Variants in IGSF21 observed in about 807,000 individuals in gnomAD.
IGSF21 encodes the protein immunoglobulin superfamily member 21.
IGSF21 carries 28 observed loss-of-function variants against 46.8 expected under a neutral mutation model. The ratio of observed to expected loss-of-function variants is 0.60; its 90% CI spans 0.44 to 0.82. The LOEUF (loss-of-function observed/expected upper bound fraction) is 0.82. Among genes scored for constraint, IGSF21 ranks in the 40% least tolerant of loss-of-function variants. The probability of loss-of-function intolerance (pLI) is 0.00; values close to 1 mark genes in which losing one functional copy is unlikely to be tolerated. For synonymous variants in IGSF21, 284 were observed against 273.6 expected, an observed-to-expected ratio of 1.04 and a Z score of -0.38; for missense variants, 624 against 665.5, an observed-to-expected ratio of 0.94 and a Z score of 0.69.
chr1:18,270,631 G>A (rs2085033422), intron 2 of IGSF21, among the ~76,000 whole-genome samples: 1 of 152,200 alleles, frequency 6.6e-6, no homozygotes, highest in Non-Finnish European at 1.5e-5. Flanking sequence ...CTAGAGACCA[G>A]ATTTCTGACC....
intron 1 of IGSF21, among the ~76,000 whole-genome samples, chr1:18,140,185 C>T (rs183977862): frequency 2.8e-4 from 43 of 152,238 alleles, no homozygotes; most frequent in African/African-American, 9.6e-4. Flanking sequence ...TAGACTCAAG[C>T]GATTCTCTCC....
chr1:18,332,966 A>T (rs1023422445), intron 3 of IGSF21, among the ~76,000 whole-genome samples: 6 of 152,116 alleles, frequency 3.9e-5, no homozygotes, highest in African/African-American at 1.4e-4. Context: ...CTAAAAGGAG[A>T]GAAGAAAAGA....
chr1:18,113,601 A>ACCCCC (rs36119627), intron 1 of IGSF21: 179 of 137,748 alleles, frequency 1.3e-3, no homozygotes, highest in Non-Finnish European at 1.6e-3. Flanking sequence ...CCAACCCCGC[A>ACCCCC]CCCCACCCCC....
At chr1:18,372,653 GAT>G (rs2086237773) in intron 6 of IGSF21, among the ~76,000 whole-genome samples, 1 of 150,692 alleles carries the variant, frequency 6.6e-6, no homozygotes, top group African/African-American at 2.4e-5. Flanking sequence ...TGGATGGATG[GAT>G]GTTTGGATGG....
intron 2 of IGSF21, among the ~76,000 whole-genome samples, chr1:18,255,069 C>G (rs1177498733): frequency 6.6e-6 from 1 of 152,210 alleles, no homozygotes; most frequent in Non-Finnish European, 1.5e-5. Flanking sequence ...ACACTGACCC[C>G]AGCGAAAGTG....
chr1:18,348,319 CCCTGGGG>C (rs2085915619), intron 4 of IGSF21, among the ~76,000 whole-genome samples: 1 of 152,318 alleles, frequency 6.6e-6, no homozygotes, highest in South Asian at 2.1e-4. Flanking sequence ...GTCTGAAGCC[CCCTGGGG>C]CCCTCACCAA....
chr1:18,317,487 C>T (rs774394529), intron 3 of IGSF21, among the ~76,000 whole-genome samples: 21 of 152,362 alleles, frequency 1.4e-4, no homozygotes, highest in Non-Finnish European at 2.5e-4. Context: ...GGGAACCACA[C>T]CTGAGAGCCA....
At chr1:18,254,430 T>G (rs2084871518) in intron 2 of IGSF21, among the ~76,000 whole-genome samples, 1 of 152,150 alleles carries the variant, frequency 6.6e-6, no homozygotes, top group Non-Finnish European at 1.5e-5. Context: ...GATCTAGGTA[T>G]CTTTAACCCT....
chr1:18,218,881 A>C (rs930006612), intron 1 of IGSF21, among the ~76,000 whole-genome samples: 3 of 152,238 alleles, frequency 2.0e-5, no homozygotes, highest in African/African-American at 7.2e-5. Context: ...GCAAAGACAT[A>C]GAAGATATAA....
chr1:18,316,284 C>T (rs1394703731), intron 3 of IGSF21, among the ~76,000 whole-genome samples: 2 of 152,230 alleles, frequency 1.3e-5, no homozygotes, highest in Non-Finnish European at 2.9e-5. Flanking sequence ...AATCTGACCA[C>T]TGCTGAGGCC....
Position 18,365,760 on chromosome 1 carries a change from G to A in IGSF21, c.1015+63G>A. On this transcript the variant is annotated intron_variant, in intron 6 of 9. Transcript: ENST00000251296. This position sits in a 1 kb window ranked among gnomAD's most constrained non-coding sequence, Gnocchi z 4.8. Reference sequence around the variant, plus strand: ...AGACCTGGGTGTGGGGAGAGCCTTGGAATAGGGTTCCTGGGCTGAGGACAG... The same window carrying A: ...AGACCTGGGTGTGGGGAGAGCCTTGAAATAGGGTTCCTGGGCTGAGGACAG... 1 of 1,393,782 alleles carries A rather than the reference G, an allele frequency of 7.2e-7. No homozygotes were observed. Among genetic ancestry groups the A allele is most frequent in the Non-Finnish European group, 9.9e-7 (1 of 1,011,666 alleles). The allele number at this position is 1,393,782 out of a possible 1,614,324, so 86.3% of individuals were successfully genotyped here.
chr1:18,237,749 C>A (rs2084686739), intron 2 of IGSF21, among the ~76,000 whole-genome samples: 1 of 152,128 alleles, frequency 6.6e-6, no homozygotes, highest in Non-Finnish European at 1.5e-5. Context: ...TTTTCCGCTT[C>A]TCCTATGTGT....
At chr1:18,348,518 G>A (rs1035617267) in intron 4 of IGSF21, among the ~76,000 whole-genome samples, 28 of 152,178 alleles carry the variant, frequency 1.8e-4, no homozygotes, top group African/African-American at 6.5e-4. Context: ...AGTGGCTCCA[G>A]CAGAAGGTAA....
At position 18,290,359 on chromosome 1, in the gene IGSF21, AG is replaced by A. The variant is rs755429975; in HGVS notation, c.184-1506del. 1.3e-5 allele frequency among the ~76,000 whole-genome samples: 2 copies of A among 152,154 alleles called. No homozygotes were observed. The highest frequency in any genetic ancestry group is 2.9e-5 in the Non-Finnish European group (2 of 68,026). ...TGTACATGTCGCTAAGTCCCGACAG[AG>A]ATAGGAGGGGTGTGGGCTTACGGAG... On this transcript the variant is annotated intron_variant, in intron 2 of 9. Coordinates refer to ENST00000251296, the MANE Select transcript of IGSF21 (RefSeq NM_032880.5). The surrounding 1 kb of genome is among the most constrained non-coding windows in gnomAD (Gnocchi z 4.2).
At chr1:18,151,874 G>A (rs932628310) in intron 1 of IGSF21, among the ~76,000 whole-genome samples, 1 of 152,130 alleles carries the variant, frequency 6.6e-6, no homozygotes, top group African/African-American at 2.4e-5. Context: ...TCTTCCAAAT[G>A]GGACCATTTT....
chr1:18,178,123 G>A (rs926782257), intron 1 of IGSF21, among the ~76,000 whole-genome samples: 5 of 152,162 alleles, frequency 3.3e-5, no homozygotes, highest in African/African-American at 7.2e-5. Flanking sequence ...GAGGGAGCAG[G>A]CTGGAAAAGA....
intron 4 of IGSF21, among the ~76,000 whole-genome samples, chr1:18,351,386 A>T (rs1287805251): frequency 6.6e-6 from 1 of 152,150 alleles, no homozygotes; most frequent in Non-Finnish European, 1.5e-5. Context: ...TGTGACCTCG[A>T]GCCAGGTTTC....
At chr1:18,195,535 T>TC (rs1173372207) in intron 1 of IGSF21, among the ~76,000 whole-genome samples, 4 of 152,074 alleles carry the variant, frequency 2.6e-5, no homozygotes, top group Non-Finnish European at 5.9e-5. Flanking sequence ...CTTCCCAGAT[T>TC]CCCCGGCTCT....
intron 1 of IGSF21, among the ~76,000 whole-genome samples, chr1:18,175,367 C>A (rs1242605232): frequency 6.6e-6 from 1 of 152,156 alleles, no homozygotes; most frequent in African/African-American, 2.4e-5. Context: ...AAATACTAGG[C>A]CTCCCTATCT....
Sources: gnomAD v4.1 joint callset for allele counts (sites outside exome capture counted in the v4.1 genomes callset) on GRCh38, gnomAD v4.1.1 for gene constraint, Gnocchi (gnomAD v3.1) non-coding constraint, MANE v1.5 for transcripts, NCBI Gene and HGNC (gene_info 2026-07-23, HGNC 2026-07-21) for gene names.